Variants in MYH8 observed in about 807,000 individuals in gnomAD.
MYH8 encodes the protein myosin heavy chain 8, also known as myosin-8.
MYH8 carries 168 observed loss-of-function variants against 233.2 expected under a neutral mutation model. The observed-to-expected ratio is 0.72, with a 90% CI of 0.64 to 0.82. MYH8 has a LOEUF of 0.82. Among genes scored for constraint, MYH8 ranks in the 40% least tolerant of loss-of-function variants. The probability of loss-of-function intolerance (pLI) is 0.00; values close to 1 mark genes in which losing one functional copy is unlikely to be tolerated. For missense variants in MYH8, 1,995 were observed against 2,327.8 expected (o/e 0.86, Z 2.94); for synonymous variants, 785 against 850.6 (o/e 0.92, Z 1.34).
Position 10,400,329 on chromosome 17 carries a change from G to T in MYH8, c.3735+61C>A. 1 of 1,589,160 alleles carries T rather than the reference G, an allele frequency of 6.3e-7. No homozygotes were observed. The highest frequency in any genetic ancestry group is 1.1e-5 in the South Asian group (1 of 90,752). ...AAAATGCCTGCAAACAATGTTTAGT[G>T]ATAGAGAATAATGGGTGTTCTTACA... On this transcript the variant is annotated intron_variant, in intron 27 of 39. Coordinates refer to ENST00000403437, the MANE Select transcript of MYH8 (RefSeq NM_002472.3). This position sits in a 1 kb window ranked among gnomAD's most constrained non-coding sequence, Gnocchi z 4.0.
chr17:10,393,025 A>G (rs1315323365), intron 36 of MYH8, 24 bp from the exon 37 acceptor site: 1 of 1,614,210 alleles, frequency 6.2e-7, no homozygotes, highest in East Asian at 2.2e-5. Flanking sequence ...AAATTAAGAA[A>G]GTAATGAAAC....
chr17:10,411,010 G>C (rs2072239431), intron 14 of MYH8, 63 bp from the exon 15 acceptor site: 1 of 1,611,246 alleles, frequency 6.2e-7, no homozygotes, highest in Non-Finnish European at 8.5e-7. Context: ...ATTCATTACT[G>C]AAAAAATTCT....
rs113484059 is a variant in MYH8, at chr17:10,404,186, C to T, written c.2688+144G>A. On this transcript the variant is annotated intron_variant, in intron 22 of 39. Transcript: ENST00000403437. ...GGAAATAATTGTGCCTTTTCTTCCC[C>T]ATAGAATACTAAAAGATAAATGAGG... 491 of 989,226 alleles carry T rather than the reference C, an allele frequency of 5.0e-4. 1 individual carries two copies. In the African/African-American group the frequency reaches 7.3e-3, roughly 15 times the overall value. 61.3% of individuals were successfully genotyped at this position (989,226 alleles called of 1,614,324 possible). A position where few individuals can be genotyped will look rare whatever the true frequency, so the allele number is the denominator to read the frequency against.
chr17:10,395,447 C>T lies in MYH8; in HGVS notation c.4654-6G>A. On this transcript the variant is annotated splice_region_variant and splice_polypyrimidine_tract_variant and intron_variant, in intron 33 of 39. Transcript: ENST00000403437. Reference sequence around the variant, plus strand: ...TCTTCATGTTCAAGAGATGCCTTAACAAAACAGTGATCAATTAATAATGGA... The same window carrying T: ...TCTTCATGTTCAAGAGATGCCTTAATAAAACAGTGATCAATTAATAATGGA... The T allele has an allele frequency of 6.2e-7, 1 of 1,613,782 alleles. No homozygotes were observed. Among genetic ancestry groups the T allele is most frequent in the Non-Finnish European group, 8.5e-7 (1 of 1,179,882 alleles).
chr17:10,406,006 G>A, intron 21 of MYH8, 35 bp downstream of exon 21: 1 of 1,610,018 alleles, frequency 6.2e-7, no homozygotes, highest in South Asian at 1.1e-5. Flanking sequence ...GTCCTTAAGG[G>A]ACCTTATAAT....
At position 10,414,213 on chromosome 17, in the gene MYH8, T is replaced by C. The variant is rs754439573; in HGVS notation, c.987A>G (p.Gln329=). 6.2e-7 allele frequency: 1 copy of C among 1,614,168 alleles called. No individual in the cohort carries two copies. The highest frequency in any genetic ancestry group is 8.5e-7 in the Non-Finnish European group (1 of 1,179,976). ...GEITVPSIDD[Q]EELMATDSAI... is the part of the protein sequence containing the mutation. The stretch of plus-strand genomic sequence containing the variant: ...TTACATCAGTGGCCATCAACTCTTC[T>C]TGGTCATCAATACTGGGAACTGTGA... The change falls in exon 11 of 40, where the codon CAA becomes CAG. Residue 329 remains glutamine (Q), a synonymous_variant. Transcript: ENST00000403437.
In MYH8 at chr17:10,406,735, C is replaced by T; in HGVS notation, c.2126G>A (p.Arg709Lys). The part of the protein sequence containing the change: ...NGVLEGIRIC[R>K]KGFPSRILYG... ...TAAGATTCTGCTTGGGAATCCTTTC[C>T]TACAGATGCGGATGCCTTCCAGCAC... The change falls in exon 19 of 40, where the codon AGG (arginine) becomes AAG (lysine). Residue 709 changes from arginine to lysine, a missense_variant. Coordinates refer to ENST00000403437, the MANE Select transcript of MYH8 (RefSeq NM_002472.3). 1 of 1,614,136 alleles carries T rather than the reference C, an allele frequency of 6.2e-7. No individual in the cohort carries two copies.
At chr17:10,394,636 T>G (rs2072063667) in intron 34 of MYH8, among the ~76,000 whole-genome samples, 184 bp from the exon 35 acceptor site, 2 of 152,210 alleles carry the variant, frequency 1.3e-5, no homozygotes, top group Admixed American at 1.3e-4. Context: ...AGACATAGAT[T>G]CTTGTTCTAT....
intron 17 of MYH8, among the ~76,000 whole-genome samples, chr17:10,407,377 T>A (rs926288972): frequency 6.6e-6 from 1 of 152,208 alleles, no homozygotes; most frequent in Non-Finnish European, 1.5e-5. Flanking sequence ...TAGTTGAGAT[T>A]GTTTGTGAGG....
intron 21 of MYH8, 30 bp downstream of exon 21, chr17:10,406,011 T>C: frequency 1.9e-6 from 3 of 1,611,734 alleles, no homozygotes; most frequent in Non-Finnish European, 2.5e-6. Context: ...TAAGGGACCT[T>C]ATAATTCTGA....
intron 16 of MYH8, 48 bp downstream of exon 16, chr17:10,409,231 A>C (rs770898678): frequency 6.2e-7 from 1 of 1,613,658 alleles, no homozygotes; most frequent in African/African-American, 1.3e-5. Context: ...ATGTATTATA[A>C]CATTATGTGA....
rs750806957 is a variant in MYH8 at position 10,396,930 on chromosome 17, G to A, written c.4235C>T (p.Ala1412Val). The change falls in exon 31 of 40, where the codon GCC (alanine) becomes GTC (valine). Residue 1412 changes from alanine to valine, a missense_variant. This residue lies in a region of MYH8 where 1,498 missense variants were observed against 1,680.9 expected (regional missense o/e 0.89). Transcript: ENST00000403437. The surrounding 1 kb of genome is among the most constrained non-coding windows in gnomAD (Gnocchi z 4.2). ...CGTCTTCTCAAGGGAAGCACATTTG[G>A]CGTTCACAGCTTCTACATGTTCCTC... Reference protein sequence around the residue: ...EAEEHVEAVNAKCASLEKTKQ... With the variant: ...EAEEHVEAVNVKCASLEKTKQ... 9.3e-6 allele frequency: 15 copies of A among 1,614,140 alleles called. No homozygotes were observed. In the Admixed American group the frequency reaches 2.3e-4, roughly 25 times the overall value.
In MYH8 at chr17:10,415,659, G is replaced by GAGA; in HGVS notation, c.539+19_539+21dup. On this transcript the variant is annotated intron_variant, in intron 6 of 39. Transcript: ENST00000403437. This position sits in a 1 kb window ranked among gnomAD's most constrained non-coding sequence, Gnocchi z 4.1. ...CATCTAAGACAATCCTTGCAAATCA[G>GAGA]AGAAGAAAAAAAATCACATACGTGA... The GAGA allele has an allele frequency of 6.2e-7, 1 of 1,613,824 alleles. No individual in the cohort carries two copies. Among genetic ancestry groups the GAGA allele is most frequent in the East Asian group, 2.2e-5 (1 of 44,876 alleles).
At chr17:10,401,522 A>C in intron 23 of MYH8, 21 bp downstream of exon 23, 4 of 1,614,180 alleles carry the variant, frequency 2.5e-6, no homozygotes, top group Non-Finnish European at 3.4e-6. Context: ...TCTATACAGT[A>C]TTGTAAAATA....
chr17:10,396,689 C>T lies in MYH8; in HGVS notation c.4392G>A (p.Glu1464=), dbSNP rs1479337413. ...KVLSEWKQKY[E]ETQAELEASQ... Reference sequence around the variant, plus strand: ...AGGCCTCAAGTTCAGCCTGAGTTTCCTCATACTTCTGCTTCCATTCTGATA... The same window carrying T: ...AGGCCTCAAGTTCAGCCTGAGTTTCTTCATACTTCTGCTTCCATTCTGATA... The change falls in exon 32 of 40, where the codon GAG becomes GAA. Residue 1464 remains glutamate (E), a synonymous_variant. Coordinates refer to ENST00000403437, the MANE Select transcript of MYH8 (RefSeq NM_002472.3). This position sits in a 1 kb window ranked among gnomAD's most constrained non-coding sequence, Gnocchi z 4.2. 6.2e-7 allele frequency: 1 copy of T among 1,614,198 alleles called. No individual in the cohort carries two copies. The highest frequency in any genetic ancestry group is 2.2e-5 in the East Asian group (1 of 44,886).
At chr17:10,407,863 A>G (rs902203526) in intron 17 of MYH8, among the ~76,000 whole-genome samples, 1 of 151,934 alleles carries the variant, frequency 6.6e-6, no homozygotes, top group African/African-American at 2.4e-5. Context: ...TAAATAAAAT[A>G]AAATAAAATT....
rs1000785112 is a variant in MYH8, at chr17:10,399,763, T to C, written c.3736-94A>G. ...AATATTTGTAGAGTAAATAAATTCA[T>C]GTCAAGTGTGAGTAGAAAGTTAGGA... On this transcript the variant is annotated intron_variant, in intron 27 of 39. Coordinates refer to ENST00000403437, the MANE Select transcript of MYH8 (RefSeq NM_002472.3). The C allele has an allele frequency of 1.1e-5, 17 of 1,542,072 alleles. No individual in the cohort carries two copies. The East Asian group carries it at 2.5e-4, about 23-fold the overall frequency.
chr17:10,399,267 G>GTGTC (rs2072111098), intron 28 of MYH8, among the ~76,000 whole-genome samples: 1 of 151,482 alleles, frequency 6.6e-6, no homozygotes, highest in African/African-American at 2.4e-5. Flanking sequence ...GTGTGTGTGT[G>GTGTC]TCTGTTTGTG....
At chr17:10,405,412 T>C (rs1177026110) in intron 21 of MYH8, among the ~76,000 whole-genome samples, 1 of 152,172 alleles carries the variant, frequency 6.6e-6, no homozygotes, top group Non-Finnish European at 1.5e-5. Context: ...GGTCCAGTTT[T>C]TAAGACTTGT....
Sources: gnomAD v4.1 joint callset for allele counts (sites outside exome capture counted in the v4.1 genomes callset) on GRCh38, gnomAD v4.1.1 for gene constraint, gnomAD v4.1.1 regional missense constraint, Gnocchi (gnomAD v3.1) non-coding constraint, MANE v1.5 for transcripts, NCBI Gene and HGNC (gene_info 2026-07-23, HGNC 2026-07-21) for gene names.